The following TRPC4AP variants were observed in gnomAD, a reference collection of about 807,000 sequenced individuals.
The protein encoded by TRPC4AP is transient receptor potential cation channel subfamily C member 4 associated protein, also known as short transient receptor potential channel 4-associated protein.
TRPC4AP carries 45 observed loss-of-function variants against 99.0 expected under a neutral mutation model. The observed-to-expected ratio is 0.45, with a 90% CI of 0.36 to 0.58. The LOEUF is 0.58. TRPC4AP is among the 20% of genes least tolerant of loss of function. The pLI is 0.00. For missense variants in TRPC4AP, 879 were observed against 985.3 expected, an observed-to-expected ratio of 0.89 and a Z score of 1.44; for synonymous variants, 408 against 385.8, an observed-to-expected ratio of 1.06 and a Z score of -0.67.
intron 10 of TRPC4AP, among the ~76,000 whole-genome samples, chr20:35,013,695 T>C (rs75535620): frequency 0.082 from 12,486 of 152,246 alleles, 594 homozygotes; most frequent in South Asian, 0.13. Context: ...AAGGAACTGA[T>C]ACTCAGCAGC....
chr20:35,013,697 C>T (rs538442181), intron 10 of TRPC4AP, among the ~76,000 whole-genome samples: 117 of 152,312 alleles, frequency 7.7e-4, no homozygotes, highest in Admixed American at 1.8e-3. Flanking sequence ...GGAACTGATA[C>T]TCAGCAGCTG....
chr20:35,041,900 G>A (rs1022680063), intron 7 of TRPC4AP, among the ~76,000 whole-genome samples: 1 of 152,200 alleles, frequency 6.6e-6, no homozygotes, highest in Non-Finnish European at 1.5e-5. Flanking sequence ...TCTAGGTAAA[G>A]CAGTTACCCA....
At chr20:35,047,707 C>CA (rs1290251007) in intron 6 of TRPC4AP, among the ~76,000 whole-genome samples, 1 of 152,070 alleles carries the variant, frequency 6.6e-6, no homozygotes, top group Non-Finnish European at 1.5e-5. Context: ...AAAACTTATT[C>CA]AAAAAATACC....
At chr20:35,045,211 T>C (rs1477495280) in intron 6 of TRPC4AP, among the ~76,000 whole-genome samples, 2 of 152,234 alleles carry the variant, frequency 1.3e-5, no homozygotes, top group African/African-American at 4.8e-5. Context: ...CATGTTTTTA[T>C]ACTTACAAAT....
At chr20:35,088,470 C>T (rs1374313760) in intron 1 of TRPC4AP, among the ~76,000 whole-genome samples, 1 of 152,194 alleles carries the variant, frequency 6.6e-6, no homozygotes, top group South Asian at 2.1e-4. Context: ...AGGTTTCAGG[C>T]TCTGCAGATA....
At chr20:35,047,857 G>A (rs1434194091) in intron 6 of TRPC4AP, among the ~76,000 whole-genome samples, 2 of 152,100 alleles carry the variant, frequency 1.3e-5, no homozygotes, top group African/African-American at 4.8e-5. Flanking sequence ...CAGGTTATAG[G>A]TAACCCATGG....
chr20:35,007,580 C>G lies in TRPC4AP; in HGVS notation c.1656G>C (p.Gln552His), dbSNP rs1388101789. 6.2e-7 allele frequency: 1 copy of G among 1,614,102 alleles called. No homozygotes were observed. Among genetic ancestry groups the G allele is most frequent in the African/African-American group, 1.3e-5 (1 of 74,938 alleles). Reference protein sequence around the residue: ...FLRGTTSYADQMFLLKRGLLE... With the variant: ...FLRGTTSYADHMFLLKRGLLE... ...AGAGGCCTCGCTTCAGCAGGAACAT[C>G]TGGTCTGCATAGGAGGTGGTCCCTC... is the stretch of plus-strand genomic sequence containing the variant. The change falls in exon 14 of 19, where the codon CAG becomes CAC. Residue 552 changes from glutamine (Q) to histidine (H), a missense_variant. Gln to His is a conservative substitution (Grantham distance 24, BLOSUM62 0). Around this residue, in one of 3 missense-constraint regions of TRPC4AP, gnomAD observed 52 missense variants for 88.7 expected, o/e 0.59. Transcript: ENST00000252015.
chr20:35,043,639 CTATG>C (rs1281266762), intron 7 of TRPC4AP, among the ~76,000 whole-genome samples: 1 of 152,108 alleles, frequency 6.6e-6, no homozygotes, highest in Non-Finnish European at 1.5e-5. Flanking sequence ...CCTATATATA[CTATG>C]TTTTTTCTTA....
At chr20:35,050,751 A>G (rs2083677822) in intron 5 of TRPC4AP, among the ~76,000 whole-genome samples, 1 of 152,016 alleles carries the variant, frequency 6.6e-6, no homozygotes, top group East Asian at 1.9e-4. Flanking sequence ...CAACAACAAA[A>G]AAACAAAACC....
chr20:35,005,517 T>G (rs1163883848), intron 16 of TRPC4AP, among the ~76,000 whole-genome samples, 178 bp downstream of exon 16: 1 of 152,194 alleles, frequency 6.6e-6, no homozygotes, highest in African/African-American at 2.4e-5. Context: ...TTCACCTTAT[T>G]AAAGTGTTGA....
chr20:35,088,948 T>TG (rs1420333654), intron 1 of TRPC4AP, among the ~76,000 whole-genome samples: 3 of 152,160 alleles, frequency 2.0e-5, no homozygotes, highest in African/African-American at 7.2e-5. Flanking sequence ...TGGGAAGTTG[T>TG]TCAATGGTAG....
chr20:35,030,241 C>CAAAAAAAAAAAA (rs572401085), intron 8 of TRPC4AP: 1 of 111,702 alleles, frequency 9.0e-6, no homozygotes, highest in African/African-American at 3.1e-5. Context: ...AACTCCATAT[C>CAAAAAAAAAAAA]AAAAAAAAAA....
chr20:35,050,130 G>T, intron 5 of TRPC4AP, 136 bp from the exon 6 acceptor site: 1 of 952,026 alleles, frequency 1.1e-6, no homozygotes, highest in Non-Finnish European at 1.5e-6. Flanking sequence ...GAATGGCATG[G>T]CTTAACTGTG....
intron 12 of TRPC4AP, 36 bp downstream of exon 12, chr20:35,010,151 G>T: frequency 6.3e-7 from 1 of 1,595,244 alleles, no homozygotes; most frequent in Non-Finnish European, 8.6e-7. Flanking sequence ...GGGCAGCCGG[G>T]ATGGGCTGAG....
chr20:35,068,566 G>T (rs992540886), intron 3 of TRPC4AP, among the ~76,000 whole-genome samples: 2 of 152,060 alleles, frequency 1.3e-5, no homozygotes, highest in African/African-American at 4.8e-5. Context: ...TCATCACCCA[G>T]GCTAGAGTGC....
chr20:35,015,227 C>T (rs1235128975), intron 10 of TRPC4AP, among the ~76,000 whole-genome samples: 2 of 151,536 alleles, frequency 1.3e-5, no homozygotes, highest in East Asian at 2.0e-4. Context: ...TCTCGAACTC[C>T]TGACCTCAAG....
At chr20:35,068,866 C>G (rs1402692492) in intron 3 of TRPC4AP, among the ~76,000 whole-genome samples, 1 of 149,140 alleles carries the variant, frequency 6.7e-6, no homozygotes, top group East Asian at 1.9e-4. Context: ...AAAGAAGGTA[C>G]AGAATAGTGT....
intron 8 of TRPC4AP, among the ~76,000 whole-genome samples, chr20:35,031,188 G>A (rs781617589): frequency 4.6e-5 from 7 of 151,914 alleles, no homozygotes; most frequent in African/African-American, 7.2e-5. Flanking sequence ...TGGGCATGAT[G>A]AGCCATTTTT....
At chr20:35,009,030 A>G (rs2082574676) in intron 12 of TRPC4AP, among the ~76,000 whole-genome samples, 1 of 152,164 alleles carries the variant, frequency 6.6e-6, no homozygotes, top group African/African-American at 2.4e-5. Flanking sequence ...AGCTGTTTAT[A>G]CCAAAAGTGT....
Sources: allele counts gnomAD v4.1 joint callset (sites outside exome capture counted in the v4.1 genomes callset), GRCh38; gene constraint gnomAD v4.1.1; regional missense constraint gnomAD v4.1.1; transcripts MANE v1.5; gene names NCBI Gene and HGNC (gene_info 2026-07-23, HGNC 2026-07-21).